The following TNKS2 variants were observed in gnomAD, a reference collection of about 807,000 sequenced individuals.
The protein encoded by TNKS2 is poly [ADP-ribose] polymerase tankyrase-2.
Under a neutral mutation model 137.6 loss-of-function variants are expected in TNKS2, and 72 were observed. That is an observed-to-expected ratio of 0.52 (90% confidence interval 0.43 to 0.64). The LOEUF (loss-of-function observed/expected upper bound fraction) is 0.64, where lower values mean the gene tolerates loss of function less well. Among genes scored for constraint, TNKS2 ranks in the 30% least tolerant of loss-of-function variants. The pLI, the probability that TNKS2 is intolerant of heterozygous loss-of-function variation, is 0.00. For synonymous variants in TNKS2, 516 were observed against 512.1 expected, an observed-to-expected ratio of 1.01 and a Z score of -0.10; for missense variants, 1,049 against 1,410.2, an observed-to-expected ratio of 0.74 and a Z score of 4.10.
intron 7 of TNKS2, among the ~76,000 whole-genome samples, chr10:91,823,876 T>C (rs1844986702): frequency 6.6e-6 from 1 of 152,206 alleles, no homozygotes; most frequent in African/African-American, 2.4e-5. Flanking sequence ...AACAACTTTA[T>C]AATAATAATT....
intron 1 of TNKS2, among the ~76,000 whole-genome samples, chr10:91,802,915 C>A (rs1396324765): frequency 6.6e-6 from 1 of 152,232 alleles, no homozygotes; most frequent in African/African-American, 2.4e-5. Context: ...CTTGACTTAT[C>A]AAATCTCCCA....
At chr10:91,819,443 T>C in intron 4 of TNKS2, 39 bp from the exon 5 acceptor site, 1 of 1,522,362 alleles carries the variant, frequency 6.6e-7, no homozygotes, top group Non-Finnish European at 8.8e-7. Context: ...GAACATCTGA[T>C]GAAGAATGCA....
intron 12 of TNKS2, 118 bp from the exon 13 acceptor site, chr10:91,836,801 G>T: frequency 7.0e-7 from 1 of 1,430,746 alleles, no homozygotes; most frequent in Non-Finnish European, 9.2e-7. Context: ...TGGAGATCTC[G>T]TACATAATCT....
At chr10:91,829,880 G>T (rs1845185127) in intron 9 of TNKS2, among the ~76,000 whole-genome samples, 1 of 152,128 alleles carries the variant, frequency 6.6e-6, no homozygotes, top group Non-Finnish European at 1.5e-5. Flanking sequence ...TATTCTATAG[G>T]TTTTCAGGTT....
In TNKS2 at chr10:91,851,206, C is replaced by A; in HGVS notation, c.2695-10C>A. The A allele has an allele frequency of 6.2e-7, 1 of 1,612,880 alleles. No individual in the cohort carries two copies. The highest frequency in any genetic ancestry group is 1.3e-5 in the African/African-American group (1 of 74,972). Reference sequence around the variant, plus strand: ...TAAGCATTCTAAGTAGTTTCCTCCTCTTTTGTAAGATCACTTTGGATGTAT... The same window carrying A: ...TAAGCATTCTAAGTAGTTTCCTCCTATTTTGTAAGATCACTTTGGATGTAT... On this transcript the variant is annotated splice_polypyrimidine_tract_variant and intron_variant, in intron 20 of 26. Coordinates refer to ENST00000371627, the MANE Select transcript of TNKS2 (RefSeq NM_025235.4).
chr10:91,808,792 A>C (rs776714390), intron 1 of TNKS2, among the ~76,000 whole-genome samples: 1 of 152,202 alleles, frequency 6.6e-6, no homozygotes, highest in African/African-American at 2.4e-5. Context: ...ATTATCTAAA[A>C]AGAGGTTAGA....
chr10:91,813,640 A>G (rs1435187599), intron 2 of TNKS2, among the ~76,000 whole-genome samples: 2 of 152,216 alleles, frequency 1.3e-5, no homozygotes, highest in African/African-American at 2.4e-5. Flanking sequence ...TTTAAATACC[A>G]GGTTAAGGAG....
chr10:91,808,678 A>T (rs1021391862), intron 1 of TNKS2, among the ~76,000 whole-genome samples: 1 of 152,188 alleles, frequency 6.6e-6, no homozygotes, highest in South Asian at 2.1e-4. Flanking sequence ...AGAAGGAAAT[A>T]TGTTAAGCAA....
At chr10:91,809,493 C>T (rs545436726) in intron 1 of TNKS2, among the ~76,000 whole-genome samples, 154 of 152,046 alleles carry the variant, frequency 1.0e-3, no homozygotes, top group African/African-American at 3.3e-3. Flanking sequence ...GGTGAAACCC[C>T]GTCTCTACTA....
At chr10:91,860,952 G>T (rs771781224) in intron 25 of TNKS2, among the ~76,000 whole-genome samples, 2 of 152,158 alleles carry the variant, frequency 1.3e-5, no homozygotes, top group Non-Finnish European at 2.9e-5. Context: ...GTAATAAGCA[G>T]CATTCTAATA....
chr10:91,839,441 C>G (rs899108148), intron 13 of TNKS2, among the ~76,000 whole-genome samples: 1 of 151,830 alleles, frequency 6.6e-6, no homozygotes, highest in Non-Finnish European at 1.5e-5. Flanking sequence ...CTCCCAGGTT[C>G]AAGCGATTCT....
At position 91,807,374 on chromosome 10, in the gene TNKS2, A is replaced by C. The variant is rs543571061; in HGVS notation, c.200-5609A>C. On this transcript the variant is annotated intron_variant, in intron 1 of 26. Coordinates refer to ENST00000371627, the MANE Select transcript of TNKS2 (RefSeq NM_025235.4). ...ATTTGAGAACCACACGTGCCTTCAT[A>C]GGGTCAGCGAGGTAAAGCTTCTCGG... The C allele has an allele frequency of 3.7e-4, 591 of 1,614,160 alleles. 2 individuals are homozygous for C. Among genetic ancestry groups the C allele is most frequent in the Non-Finnish European group, 1.8e-4 (214 of 1,180,032 alleles).
chr10:91,837,103 T>C, intron 13 of TNKS2, 105 bp downstream of exon 13: 1 of 1,127,560 alleles, frequency 8.9e-7, no homozygotes, highest in African/African-American at 1.6e-5. Flanking sequence ...GTATGGGCCT[T>C]GCCTTAAAAG....
At chr10:91,849,327 C>G (rs1414419092) in intron 19 of TNKS2, among the ~76,000 whole-genome samples, 185 bp from the exon 20 acceptor site, 1 of 152,066 alleles carries the variant, frequency 6.6e-6, no homozygotes, top group Non-Finnish European at 1.5e-5. Flanking sequence ...TGAGACTGCC[C>G]CATTGATTAG....
At chr10:91,808,728 TA>T (rs1254805107) in intron 1 of TNKS2, among the ~76,000 whole-genome samples, 2 of 152,144 alleles carry the variant, frequency 1.3e-5, no homozygotes, top group Non-Finnish European at 2.9e-5. Context: ...ACTGGAGATT[TA>T]AATCTGAGGG....
chr10:91,849,688 A>C lies in TNKS2; in HGVS notation c.2694+94A>C, dbSNP rs1455748800. On this transcript the variant is annotated intron_variant, in intron 20 of 26. Transcript: ENST00000371627. The stretch of plus-strand genomic sequence containing the variant: ...TGAAATGAGCTGAACCATGTAAGCT[A>C]TTGGGGGAGAATGTTTTTTAAGAAA... The C allele has an allele frequency of 7.8e-6, 7 of 897,466 alleles. No individual in the cohort carries two copies. The East Asian group carries it at 1.1e-4, about 15-fold the overall frequency. The allele number at this position is 897,466 out of a possible 1,614,324, so 55.6% of individuals were successfully genotyped here.
chr10:91,855,247 C>A, intron 22 of TNKS2, 121 bp downstream of exon 22: 2 of 680,194 alleles, frequency 2.9e-6, no homozygotes, highest in Non-Finnish European at 5.1e-6. Context: ...AATCTGTTTT[C>A]AAGCTGATTA....
chr10:91,840,838 G>C, intron 14 of TNKS2, 132 bp downstream of exon 14: 1 of 841,246 alleles, frequency 1.2e-6, no homozygotes, highest in Non-Finnish European at 1.8e-6. Flanking sequence ...ATTAAATAGA[G>C]CTTCTTAATT....
At chr10:91,830,565 T>C (rs1173639196) in intron 9 of TNKS2, among the ~76,000 whole-genome samples, 1 of 152,184 alleles carries the variant, frequency 6.6e-6, no homozygotes, top group Non-Finnish European at 1.5e-5. Context: ...TTTGCAAGGG[T>C]GTTTTCTTAA....
Sources: gnomAD v4.1 joint callset for allele counts (sites outside exome capture counted in the v4.1 genomes callset) on GRCh38, gnomAD v4.1.1 for gene constraint, MANE v1.5 for transcripts, NCBI Gene and HGNC (gene_info 2026-07-23, HGNC 2026-07-21) for gene names.